DMD: variants seen among roughly 807,000 people sequenced by gnomAD.
DMD encodes the protein dystrophin, also known as mutant dystrophin.
Under a neutral mutation model 330.1 loss-of-function variants are expected in DMD, and 63 were observed. The observed-to-expected ratio is 0.19, with a 90% CI of 0.16 to 0.24. DMD has a LOEUF of 0.24. Ranked by LOEUF, DMD falls within the 10% of genes least tolerant of loss-of-function variation. DMD has a pLI of 1.00. For synonymous variants in DMD, 1,223 were observed against 959.8 expected (o/e 1.27, Z -5.07); for missense variants, 3,344 against 2,684.1 (o/e 1.25, Z -5.43).
intron 11 of DMD, among the ~76,000 whole-genome samples, chrX:32,640,617 G>GA (rs747606421): frequency 4.1e-4 from 44 of 107,202 alleles, no homozygotes; most frequent in East Asian, 3.5e-3. Context: ...CTGTCAAAAG[G>GA]AAAAAAAAAT....
At chrX:32,131,166 C>T (rs1363620827) in intron 44 of DMD, among the ~76,000 whole-genome samples, 1 of 111,806 alleles carries the variant, frequency 8.9e-6, no homozygotes, top group Non-Finnish European at 1.9e-5. Context: ...GCCTGGGTGA[C>T]AGAGTGAGAC....
chrX:31,961,732 AG>A (rs1445621129), intron 45 of DMD, among the ~76,000 whole-genome samples: 1 of 87,037 alleles, frequency 1.1e-5, no homozygotes, highest in African/African-American at 5.1e-5. Flanking sequence ...ATTCAACCAA[AG>A]GAAGCGGTTT....
chrX:31,665,379 C>T (rs971686028), intron 53 of DMD, among the ~76,000 whole-genome samples: 1 of 111,479 alleles, frequency 9.0e-6, no homozygotes, highest in Non-Finnish European at 1.9e-5. Flanking sequence ...TCTATAAATC[C>T]TTATTGGGAA....
At chrX:32,715,636 C>T (rs1486127412) in intron 7 of DMD, among the ~76,000 whole-genome samples, 1 of 108,955 alleles carries the variant, frequency 9.2e-6, no homozygotes, top group Admixed American at 9.9e-5. Context: ...CCCATCTCTA[C>T]TAAAAATGCA....
chrX:32,453,760 T>A lies in DMD; in HGVS notation c.3603+902A>T, dbSNP rs181981042. ...CTCACCCCAATTTATACAGTTGGCA[T>A]GGGGCCGAACTAAGTTTTAAACTCA... On this transcript the variant is annotated intron_variant, in intron 26 of 78. Coordinates refer to ENST00000357033, the MANE Select transcript of DMD (RefSeq NM_004006.3). Among the ~76,000 whole-genome samples the A allele has an allele frequency of 1.5e-3, 167 of 111,171 alleles. 1 individual carries two copies. Among genetic ancestry groups the A allele is most frequent in the African/African-American group, 5.0e-3 (154 of 30,747 alleles).
intron 9 of DMD, among the ~76,000 whole-genome samples, chrX:32,659,133 T>A (rs2060785198): frequency 8.9e-6 from 1 of 111,883 alleles, no homozygotes; most frequent in Non-Finnish European, 1.9e-5. Flanking sequence ...CAATTAGATT[T>A]TAGGTTGTAA....
At chrX:31,473,507 A>G (rs1299979913) in intron 59 of DMD, among the ~76,000 whole-genome samples, 11 of 110,036 alleles carry the variant, frequency 1.0e-4, no homozygotes, top group African/African-American at 3.6e-4. Flanking sequence ...GGATCACGAG[A>G]TCAAGAGATC....
chrX:31,615,906 G>A (rs1192950474), intron 55 of DMD, among the ~76,000 whole-genome samples: 1 of 111,945 alleles, frequency 8.9e-6, no homozygotes, highest in African/African-American at 3.2e-5. Context: ...CCTGAAAATA[G>A]TAATAACATA....
chrX:32,182,621 T>C (rs771673863), intron 44 of DMD, among the ~76,000 whole-genome samples: 1 of 111,689 alleles, frequency 9.0e-6, no homozygotes, highest in Non-Finnish European at 1.9e-5. Context: ...GTTTAAATTG[T>C]ATTAATAAGA....
intron 2 of DMD, among the ~76,000 whole-genome samples, chrX:32,886,540 A>G (rs901838136): frequency 1.6e-4 from 17 of 109,625 alleles, no homozygotes; most frequent in East Asian, 1.2e-3. Flanking sequence ...AAAGTTAGCC[A>G]GGCGTGGTGG....
chrX:32,545,372 G>A, intron 16 of DMD, 38 bp from the exon 17 acceptor site: 3 of 1,171,810 alleles, frequency 2.6e-6, no homozygotes, highest in Non-Finnish European at 2.3e-6. Context: ...GACATTGCTA[G>A]AAAGACTTCA....
chrX:31,134,634 G>A (rs972047027), intron 76 of DMD, among the ~76,000 whole-genome samples: 2 of 111,258 alleles, frequency 1.8e-5, no homozygotes, highest in African/African-American at 6.5e-5. Flanking sequence ...TATTGGCCAG[G>A]CTGGTCTCGA....
At chrX:31,744,588 A>C (rs1296339710) in intron 51 of DMD, among the ~76,000 whole-genome samples, 1 of 112,410 alleles carries the variant, frequency 8.9e-6, no homozygotes, top group Non-Finnish European at 1.9e-5. Flanking sequence ...TATTCAGAGG[A>C]ATCTATACAG....
At chrX:32,017,230 C>T (rs965596605) in intron 44 of DMD, among the ~76,000 whole-genome samples, 3 of 111,718 alleles carry the variant, frequency 2.7e-5, no homozygotes, top group African/African-American at 9.8e-5. Flanking sequence ...GGGAAAAATA[C>T]AATTACCAGT....
rs9969893 is a variant in DMD, at chrX:32,020,808, A to G, written c.6439-52294T>C. 2.0e-3 allele frequency among the ~76,000 whole-genome samples: 230 copies of G among 112,864 alleles called. 2 individuals are homozygous for G. The highest frequency in any genetic ancestry group is 7.1e-3 in the African/African-American group (222 of 31,133). ...GTAATGCCAATTAATAATTATATCTATTTAACAACTAGCTATATATTTTAT... is the reference window on the plus strand; with the variant it reads ...GTAATGCCAATTAATAATTATATCTGTTTAACAACTAGCTATATATTTTAT... On this transcript the variant is annotated intron_variant, in intron 44 of 78. Transcript: ENST00000357033.
At chrX:31,787,480 T>C (rs1356879563) in intron 50 of DMD, among the ~76,000 whole-genome samples, 1 of 112,455 alleles carries the variant, frequency 8.9e-6, no homozygotes, top group African/African-American at 3.2e-5. Context: ...GGCATATTTA[T>C]TGTTTAAGGG....
intron 2 of DMD, among the ~76,000 whole-genome samples, chrX:32,939,503 C>T (rs2090254118): frequency 9.0e-6 from 1 of 111,125 alleles, no homozygotes; most frequent in African/African-American, 3.3e-5. Flanking sequence ...CAAAGGGCAT[C>T]TTCTTGATAA....
intron 2 of DMD, among the ~76,000 whole-genome samples, chrX:32,928,632 T>G (rs6628752): frequency 0.13 from 14,495 of 111,576 alleles, 767 homozygotes; most frequent in East Asian, 0.22. Context: ...TTGCAATGAT[T>G]TGTCTTCTAA....
chrX:31,646,666 C>T (rs184382484), intron 54 of DMD, among the ~76,000 whole-genome samples: 1 of 111,772 alleles, frequency 8.9e-6, no homozygotes, highest in East Asian at 2.8e-4. Flanking sequence ...TTGCCTTCAG[C>T]TGTAGGTAAC....
Sources: gnomAD v4.1 joint callset for allele counts (sites outside exome capture counted in the v4.1 genomes callset) on GRCh38, gnomAD v4.1.1 for gene constraint, MANE v1.5 for transcripts, NCBI Gene and HGNC (gene_info 2026-07-23, HGNC 2026-07-21) for gene names.